SCUBE2: variants seen among roughly 807,000 people sequenced by gnomAD.
SCUBE2 encodes the protein signal peptide, CUB and EGF-like domain-containing protein 2.
Under a neutral mutation model 125.9 loss-of-function variants are expected in SCUBE2, and 114 were observed. The observed-to-expected ratio is 0.91, with a 90% confidence interval of 0.78 to 1.06. The LOEUF is 1.06. Ranked by LOEUF, SCUBE2 falls within the 50% of genes least tolerant of loss-of-function variation. The probability of loss-of-function intolerance (pLI) is 0.00; values close to 1 mark genes in which losing one functional copy is unlikely to be tolerated. For synonymous variants in SCUBE2, 459 were observed against 492.9 expected (o/e 0.93, Z 0.91); for missense variants, 1,255 against 1,301.8 (o/e 0.96, Z 0.55).
In SCUBE2 at chr11:9,029,970, G is replaced by T. The variant is rs1433264801; in HGVS notation, c.2417C>A (p.Pro806His). ...AACACAATTATTTTTTCCAAATTCA[G>T]GCTGGTATGTTCCCACTGGGCAACG... ...CIRCPVGTYQ[P>H]EFGKNNCVSC... Residue 806 changes from proline to histidine, a missense_variant, in exon 19 of 23, where the codon CCT (proline) becomes CAT (histidine). By Grantham distance (77) the Pro-to-His change is moderately conservative. Around this residue, in one of 3 missense-constraint regions of SCUBE2, gnomAD observed 515 missense variants for 515.7 expected, o/e 1.00. Transcript: ENST00000649792. The T allele has an allele frequency of 6.2e-7, 1 of 1,614,212 alleles. No individual in the cohort carries two copies. Among genetic ancestry groups the T allele is most frequent in the Admixed American group, 1.7e-5 (1 of 60,034 alleles).
intron 16 of SCUBE2, among the ~76,000 whole-genome samples, chr11:9,045,847 G>T (rs1857676999): frequency 6.6e-6 from 1 of 151,990 alleles, no homozygotes; most frequent in Non-Finnish European, 1.5e-5. Flanking sequence ...TGCTGTGAGG[G>T]CTACAGAATT....
chr11:9,027,694 G>A, intron 19 of SCUBE2, 133 bp from the exon 20 acceptor site: 1 of 742,908 alleles, frequency 1.3e-6, no homozygotes, highest in Non-Finnish European at 2.2e-6. Context: ...ATCTGGGAAT[G>A]AGTCTGTCCT....
chr11:9,063,707 C>T (rs370847883), intron 7 of SCUBE2, among the ~76,000 whole-genome samples: 4 of 152,092 alleles, frequency 2.6e-5, no homozygotes, highest in African/African-American at 4.8e-5. Flanking sequence ...AACAGGAGAG[C>T]GGCAAAGGGA....
chr11:9,073,571 A>G (rs1256305940), intron 4 of SCUBE2, among the ~76,000 whole-genome samples: 1 of 152,214 alleles, frequency 6.6e-6, no homozygotes, highest in Non-Finnish European at 1.5e-5. Flanking sequence ...GTGATTAAAT[A>G]GTAGAAGAAA....
chr11:9,037,613 C>G (rs1388613055), intron 16 of SCUBE2, among the ~76,000 whole-genome samples: 1 of 152,226 alleles, frequency 6.6e-6, no homozygotes, highest in Non-Finnish European at 1.5e-5. Flanking sequence ...CCCAGGGTGC[C>G]CCAGGGCTGC....
chr11:9,055,392 T>C (rs1437557796), intron 10 of SCUBE2, among the ~76,000 whole-genome samples: 2 of 152,220 alleles, frequency 1.3e-5, no homozygotes, highest in African/African-American at 2.4e-5. Flanking sequence ...TTCCTATGCA[T>C]AGCAGGGCTG....
chr11:9,065,010 TATC>T (rs1161340353), intron 7 of SCUBE2: 1 of 152,164 alleles, frequency 6.6e-6, no homozygotes, highest in East Asian at 1.9e-4. Flanking sequence ...CTTCTACTAT[TATC>T]ATCAGCTGAG....
At chr11:9,032,832 A>C (rs975021157) in intron 17 of SCUBE2, among the ~76,000 whole-genome samples, 1 of 152,214 alleles carries the variant, frequency 6.6e-6, no homozygotes, top group Non-Finnish European at 1.5e-5. Flanking sequence ...ATAACAGACC[A>C]AAGAGATGAT....
At chr11:9,052,962 G>T in intron 12 of SCUBE2, 130 bp from the exon 13 acceptor site, 1 of 1,023,162 alleles carries the variant, frequency 9.8e-7, no homozygotes, top group Non-Finnish European at 1.5e-6. Flanking sequence ...GGGTCTCGAA[G>T]CATGGACCTC....
At chr11:9,050,542 G>A (rs969557307) in intron 14 of SCUBE2, 64 bp downstream of exon 14, 33 of 1,294,088 alleles carry the variant, frequency 2.6e-5, no homozygotes, top group South Asian at 1.3e-4. Flanking sequence ...CCTCCAGCTC[G>A]GCTGGCTGCA....
chr11:9,033,854 G>A, intron 16 of SCUBE2, 58 bp from the exon 17 acceptor site: 1 of 1,572,356 alleles, frequency 6.4e-7, no homozygotes, highest in Non-Finnish European at 8.7e-7. Context: ...GAAGGATGAT[G>A]TGAGTTCTAG....
chr11:9,046,316 C>T lies in SCUBE2; in HGVS notation c.2002+1040G>A, dbSNP rs936953715. 2.0e-5 allele frequency among the ~76,000 whole-genome samples: 3 copies of T among 152,066 alleles called. No homozygotes were observed. In the South Asian group the frequency reaches 6.2e-4, roughly 32 times the overall value. On this transcript the variant is annotated intron_variant, in intron 16 of 22. Transcript: ENST00000649792. ...AGCCATCATGCCTGGCCCCGAGTGT[C>T]TTTCGTAGGCTGTTGTGGTCATGAA...
intron 13 of SCUBE2, among the ~76,000 whole-genome samples, chr11:9,052,479 G>A (rs1858516089): frequency 6.6e-6 from 1 of 152,242 alleles, no homozygotes; most frequent in Admixed American, 6.5e-5. Context: ...TGGTCCTGGG[G>A]TTCTGTGGGC....
intron 16 of SCUBE2, among the ~76,000 whole-genome samples, chr11:9,043,802 ATTT>A (rs56287123): frequency 5.7e-5 from 8 of 140,256 alleles, no homozygotes; most frequent in African/African-American, 1.0e-4. Context: ...TAAAATGACT[ATTT>A]TTTTTTTTTT....
intron 4 of SCUBE2, among the ~76,000 whole-genome samples, chr11:9,071,348 A>G (rs1233043615): frequency 6.6e-6 from 1 of 152,202 alleles, no homozygotes; most frequent in Non-Finnish European, 1.5e-5. Context: ...TGTATGCCAG[A>G]TGCCATTGTG....
At chr11:9,065,467 T>C (rs778747676) in intron 7 of SCUBE2, among the ~76,000 whole-genome samples, 4 of 152,322 alleles carry the variant, frequency 2.6e-5, no homozygotes, top group East Asian at 1.9e-4. Flanking sequence ...TCCCCAGCCA[T>C]GTGGAACTGT....
At chr11:9,073,984 C>T (rs1861011257) in intron 4 of SCUBE2, among the ~76,000 whole-genome samples, 1 of 152,186 alleles carries the variant, frequency 6.6e-6, no homozygotes, top group African/African-American at 2.4e-5. Context: ...GGGAGCCCTT[C>T]TGCCCCTCGG....
intron 16 of SCUBE2, among the ~76,000 whole-genome samples, chr11:9,034,028 C>G (rs958777569): frequency 6.6e-6 from 1 of 152,210 alleles, no homozygotes; most frequent in African/African-American, 2.4e-5. Context: ...AGACCATGAG[C>G]TCCTTGAGAA....
chr11:9,085,254 T>C (rs551727016), intron 2 of SCUBE2, among the ~76,000 whole-genome samples: 1 of 152,350 alleles, frequency 6.6e-6, no homozygotes, highest in South Asian at 2.1e-4. Flanking sequence ...GTTTGTAGTT[T>C]ACTTAATAGC....
Sources: allele counts gnomAD v4.1 joint callset (sites outside exome capture counted in the v4.1 genomes callset), GRCh38; gene constraint gnomAD v4.1.1; regional missense constraint gnomAD v4.1.1; transcripts MANE v1.5; gene names NCBI Gene and HGNC (gene_info 2026-07-23, HGNC 2026-07-21).